RASAL2: variants seen among roughly 807,000 people sequenced by gnomAD.
RASAL2 encodes the protein ras GTPase-activating protein nGAP.
RASAL2 carries 58 observed loss-of-function variants against 128.9 expected under a neutral mutation model. The ratio of observed to expected loss-of-function variants is 0.45; its 90% confidence interval spans 0.36 to 0.56. The LOEUF (loss-of-function observed/expected upper bound fraction) is 0.56, where lower values mean the gene tolerates loss of function less well. RASAL2 is among the 20% of genes least tolerant of loss of function. The pLI is 0.00. For missense variants in RASAL2, 1,360 were observed against 1,601.6 expected (o/e 0.85, Z 2.57); for synonymous variants, 561 against 580.8 (o/e 0.97, Z 0.49).
intron 12 of RASAL2, 28 bp downstream of exon 12, chr1:178,454,676 A>G: frequency 6.3e-7 from 1 of 1,584,522 alleles, no homozygotes; most frequent in Non-Finnish European, 8.7e-7. Flanking sequence ...AAGATAGAGA[A>G]CTTTAATGTA....
chr1:178,256,197 T>A (rs189967763), intron 1 of RASAL2, among the ~76,000 whole-genome samples: 1 of 152,298 alleles, frequency 6.6e-6, no homozygotes, highest in African/African-American at 2.4e-5. Flanking sequence ...GCTAGGTTGT[T>A]TGAACATAAG....
chr1:178,320,148 G>T lies in RASAL2; in HGVS notation c.457+20030G>T, dbSNP rs879800715. 5.5e-3 allele frequency among the ~76,000 whole-genome samples: 833 copies of T among 151,792 alleles called. 9 individuals are homozygous for T. Among genetic ancestry groups the T allele is most frequent in the African/African-American group, 0.019 (770 of 41,380 alleles). ...GACCCACTTGAGGAGGCAGTCTGCCGGTTCTCAGATCTCCAGCTGCGTGCT... is the reference window on the plus strand; with the variant it reads ...GACCCACTTGAGGAGGCAGTCTGCCTGTTCTCAGATCTCCAGCTGCGTGCT... On this transcript the variant is annotated intron_variant, in intron 3 of 17. Transcript: ENST00000367649.
At chr1:178,387,225 T>C (rs995714971) in intron 3 of RASAL2, among the ~76,000 whole-genome samples, 1 of 152,174 alleles carries the variant, frequency 6.6e-6, no homozygotes, top group Non-Finnish European at 1.5e-5. Flanking sequence ...TAGCTTTACC[T>C]TATTTCTTCC....
intron 1 of RASAL2, among the ~76,000 whole-genome samples, chr1:178,105,789 C>T (rs1357927889): frequency 6.6e-6 from 1 of 151,192 alleles, no homozygotes; most frequent in Non-Finnish European, 1.5e-5. Flanking sequence ...CTCAAGGGAT[C>T]CTCCCACCAA....
intron 1 of RASAL2, among the ~76,000 whole-genome samples, chr1:178,268,466 CA>C (rs889130520): frequency 1.6e-4 from 24 of 149,098 alleles, no homozygotes; most frequent in Non-Finnish European, 7.4e-5. Context: ...GCCTCCATCT[CA>C]AAAAAAAAGA....
intron 1 of RASAL2, among the ~76,000 whole-genome samples, chr1:178,116,915 T>C (rs1286980175): frequency 6.6e-6 from 1 of 152,228 alleles, no homozygotes; most frequent in African/African-American, 2.4e-5. Flanking sequence ...TTGCTAATTT[T>C]TGTAATTTTT....
chr1:178,144,317 G>C (rs1660643031), intron 1 of RASAL2, among the ~76,000 whole-genome samples: 1 of 152,080 alleles, frequency 6.6e-6, no homozygotes, highest in Non-Finnish European at 1.5e-5. Flanking sequence ...CACTTTGTGG[G>C]CTAACAAAAC....
At position 178,407,111 on chromosome 1, in the gene RASAL2, A is replaced by C. The variant is rs139887295; in HGVS notation, c.565-13400A>C. 8.5e-4 allele frequency among the ~76,000 whole-genome samples: 129 copies of C among 152,248 alleles called. 1 individual carries two copies. The highest frequency in any genetic ancestry group is 2.9e-3 in the African/African-American group (122 of 41,558). ...CTTTTCTCTTTCCTTTTGATGCTTA[A>C]ATTTGAAAAACAAAAACAAAAAACC... On this transcript the variant is annotated intron_variant, in intron 4 of 17. Transcript: ENST00000367649.
chr1:178,175,472 G>GTGTGT (rs60858080), intron 1 of RASAL2, among the ~76,000 whole-genome samples: 1 of 150,944 alleles, frequency 6.6e-6, no homozygotes, highest in Non-Finnish European at 1.5e-5. Context: ...GTGTGTGTGT[G>GTGTGT]ATAACTATGC....
intron 1 of RASAL2, among the ~76,000 whole-genome samples, chr1:178,245,919 T>G (rs1481064737): frequency 2.0e-5 from 3 of 152,204 alleles, no homozygotes; most frequent in Non-Finnish European, 4.4e-5. Context: ...TCTGTTGCAT[T>G]GGACTATATA....
intron 9 of RASAL2, among the ~76,000 whole-genome samples, chr1:178,450,517 A>T (rs1475387718): frequency 6.6e-6 from 1 of 152,116 alleles, no homozygotes; most frequent in African/African-American, 2.4e-5. Flanking sequence ...GGGTATTTTT[A>T]AAAGCTTTCA....
At chr1:178,253,064 G>T (rs1262173752) in intron 1 of RASAL2, among the ~76,000 whole-genome samples, 1 of 152,092 alleles carries the variant, frequency 6.6e-6, no homozygotes, top group Non-Finnish European at 1.5e-5. Flanking sequence ...TAAAATCTAG[G>T]TGTCAGCAGG....
chr1:178,305,760 A>C (rs558685993), intron 3 of RASAL2, among the ~76,000 whole-genome samples: 100 of 152,312 alleles, frequency 6.6e-4, no homozygotes, highest in African/African-American at 2.4e-3. Flanking sequence ...TACAGATACA[A>C]ATTGCAAGCC....
intron 1 of RASAL2, among the ~76,000 whole-genome samples, chr1:178,272,657 G>A (rs548062877): frequency 4.6e-5 from 7 of 152,044 alleles, no homozygotes; most frequent in African/African-American, 1.7e-4. Context: ...GGCCAGGCAC[G>A]GTTGCTTAGC....
chr1:178,270,505 A>T (rs1557868091), intron 1 of RASAL2, among the ~76,000 whole-genome samples: 1 of 151,974 alleles, frequency 6.6e-6, no homozygotes, highest in African/African-American at 2.4e-5. Context: ...TTATTAAAAA[A>T]TATCTTATTT....
At chr1:178,363,894 A>G (rs1261759461) in intron 3 of RASAL2, among the ~76,000 whole-genome samples, 5 of 152,158 alleles carry the variant, frequency 3.3e-5, no homozygotes, top group Non-Finnish European at 7.3e-5. Flanking sequence ...CAGGAGATTG[A>G]GACCATCCTG....
At chr1:178,365,040 A>G (rs1671326329) in intron 3 of RASAL2, among the ~76,000 whole-genome samples, 1 of 151,068 alleles carries the variant, frequency 6.6e-6, no homozygotes. Context: ...CACATGTTTT[A>G]TAATACTGTT....
intron 5 of RASAL2, among the ~76,000 whole-genome samples, chr1:178,437,142 C>T (rs1197729316): frequency 1.3e-5 from 2 of 152,056 alleles, no homozygotes; most frequent in Non-Finnish European, 2.9e-5. Flanking sequence ...TTGTTTGTTA[C>T]CTGAGGGGCT....
At chr1:178,382,513 A>T (rs1448556429) in intron 3 of RASAL2, among the ~76,000 whole-genome samples, 2 of 152,126 alleles carry the variant, frequency 1.3e-5, no homozygotes, top group African/African-American at 4.8e-5. Context: ...GGAGAACAGG[A>T]TAGAATGCAT....
Sources: allele counts gnomAD v4.1 joint callset (sites outside exome capture counted in the v4.1 genomes callset), GRCh38; gene constraint gnomAD v4.1.1; transcripts MANE v1.5; gene names NCBI Gene and HGNC (gene_info 2026-07-23, HGNC 2026-07-21).